ADGRA3: variants seen among roughly 807,000 people sequenced by gnomAD.
The protein encoded by ADGRA3 is G-protein coupled receptor 125.
In ADGRA3, 56 loss-of-function variants were observed where a neutral mutation model predicts 119.8. That is an observed-to-expected ratio of 0.47 (90% CI 0.38 to 0.58). ADGRA3 has a LOEUF of 0.58. Ranked by LOEUF, ADGRA3 falls within the 20% of genes least tolerant of loss-of-function variation. The probability of loss-of-function intolerance (pLI) is 0.00; values close to 1 mark genes in which losing one functional copy is unlikely to be tolerated. For synonymous variants in ADGRA3, 607 were observed against 623.8 expected (o/e 0.97, Z 0.40); for missense variants, 1,516 against 1,649.0 (o/e 0.92, Z 1.40).
chr4:22,440,717 T>C (rs760665880), intron 7 of ADGRA3, among the ~76,000 whole-genome samples: 4 of 152,202 alleles, frequency 2.6e-5, no homozygotes, highest in Admixed American at 6.5e-5. Context: ...CTCTTCTACA[T>C]AGAAAATGGT....
In ADGRA3 at chr4:22,388,987, T is replaced by G. The variant is rs370949757; in HGVS notation, c.2724-40A>C. On this transcript the variant is annotated intron_variant, in intron 18 of 18. Transcript: ENST00000334304. ...GGTAAACCAGATCGATGCTACATGTTTCAACAAATTATCTACGAAATTGCA... is the reference window on the plus strand; with the variant it reads ...GGTAAACCAGATCGATGCTACATGTGTCAACAAATTATCTACGAAATTGCA... 112 of 1,605,262 alleles carry G rather than the reference T, an allele frequency of 7.0e-5. No homozygotes were observed. The African/African-American group carries it at 1.1e-3, about 16-fold the overall frequency.
intron 16 of ADGRA3, among the ~76,000 whole-genome samples, chr4:22,395,941 A>C (rs13148867): frequency 0.038 from 5,721 of 152,244 alleles, 258 homozygotes; most frequent in East Asian, 0.24. Context: ...TAAATAACAG[A>C]TCTCAAGGGC....
intron 3 of ADGRA3, among the ~76,000 whole-genome samples, chr4:22,457,933 T>TA (rs1311998795): frequency 6.6e-6 from 1 of 152,176 alleles, no homozygotes; most frequent in Non-Finnish European, 1.5e-5. Context: ...AGCATAGAGA[T>TA]AAAATCAGCA....
chr4:22,480,167 A>C (rs556732305), intron 1 of ADGRA3, among the ~76,000 whole-genome samples: 2 of 152,364 alleles, frequency 1.3e-5, no homozygotes, highest in East Asian at 3.9e-4. Context: ...CAAACAAAGA[A>C]GAAAGAAAAA....
At position 22,436,414 on chromosome 4, in the gene ADGRA3, A is replaced by T. The variant is rs1467774480; in HGVS notation, c.1287+26T>A. 6 of 1,586,822 alleles carry T rather than the reference A, an allele frequency of 3.8e-6. 1 individual carries two copies. The highest frequency in any genetic ancestry group is 5.2e-6 in the Non-Finnish European group (6 of 1,157,476). On this transcript the variant is annotated intron_variant, in intron 9 of 18. Transcript: ENST00000334304. ...AATACCATGTTTTCTCCACAACCCA[A>T]GTAAACATGAAGACTTTCTAGTTAC...
At chr4:22,484,632 C>G (rs1217123676) in intron 1 of ADGRA3, among the ~76,000 whole-genome samples, 1 of 149,292 alleles carries the variant, frequency 6.7e-6, no homozygotes, top group Non-Finnish European at 1.5e-5. Context: ...GCGTAAGCAG[C>G]TTTGTACTAA....
chr4:22,408,401 G>C (rs1715045244), intron 14 of ADGRA3, among the ~76,000 whole-genome samples: 1 of 152,010 alleles, frequency 6.6e-6, no homozygotes, highest in South Asian at 2.1e-4. Context: ...AAATCCAACA[G>C]GGAGCTCATA....
At chr4:22,501,079 A>C (rs1719033936) in intron 1 of ADGRA3, among the ~76,000 whole-genome samples, 1 of 152,152 alleles carries the variant, frequency 6.6e-6, no homozygotes, top group Admixed American at 6.5e-5. Flanking sequence ...ACTGAAACAC[A>C]TCACCAGCTG....
intron 14 of ADGRA3, among the ~76,000 whole-genome samples, chr4:22,410,204 T>A (rs1007466869): frequency 6.6e-6 from 1 of 152,208 alleles, no homozygotes; most frequent in Admixed American, 6.5e-5. Context: ...AATCAATGTA[T>A]ATAAATTAGC....
chr4:22,407,764 G>C (rs1471288561), intron 14 of ADGRA3, among the ~76,000 whole-genome samples: 1 of 152,162 alleles, frequency 6.6e-6, no homozygotes, highest in Non-Finnish European at 1.5e-5. Context: ...AAAGTTTTTA[G>C]AACTGTTTAC....
chr4:22,506,781 CTT>C (rs1310078768), intron 1 of ADGRA3, among the ~76,000 whole-genome samples: 7 of 151,954 alleles, frequency 4.6e-5, no homozygotes, highest in African/African-American at 1.7e-4. Context: ...GAATAGTGTA[CTT>C]TTGTAAAGCT....
rs1478867154 is a variant in ADGRA3, at chr4:22,499,613, C to T, written c.257+15915G>A. ...CCTCCCAAAAATGCATCTACTCCCC[C>T]TATGATGTTCTTATTCATCTTAACA... On this transcript the variant is annotated intron_variant, in intron 1 of 18. Transcript: ENST00000334304. Among the ~76,000 whole-genome samples, 3 of 152,172 alleles carry T rather than the reference C, an allele frequency of 2.0e-5. No homozygotes were observed. In the East Asian group the frequency reaches 5.8e-4, roughly 29 times the overall value.
intron 16 of ADGRA3, chr4:22,397,993 G>T: frequency 7.8e-6 from 6 of 768,894 alleles, no homozygotes; most frequent in Non-Finnish European, 9.5e-6. Context: ...AGTGAGACCT[G>T]CAAGGTAAGT....
intron 16 of ADGRA3, 124 bp downstream of exon 16, chr4:22,401,307 A>G: frequency 6.0e-6 from 5 of 831,796 alleles, no homozygotes; most frequent in Non-Finnish European, 8.9e-6. Flanking sequence ...AGTGACAGAC[A>G]ATAAATTTAA....
intron 3 of ADGRA3, among the ~76,000 whole-genome samples, chr4:22,460,839 G>A (rs1255447253): frequency 6.6e-6 from 1 of 152,152 alleles, no homozygotes; most frequent in East Asian, 1.9e-4. Flanking sequence ...AAGATCTTCC[G>A]AAGAAGTCAG....
chr4:22,509,618 C>G (rs1719369861), intron 1 of ADGRA3, among the ~76,000 whole-genome samples: 1 of 152,166 alleles, frequency 6.6e-6, no homozygotes, highest in Non-Finnish European at 1.5e-5. Flanking sequence ...ACTGTTTCGT[C>G]TCCACCTGGC....
chr4:22,443,275 T>C (rs1038268626), intron 6 of ADGRA3: 5 of 482,226 alleles, frequency 1.0e-5, no homozygotes, highest in African/African-American at 6.1e-5. Context: ...CTAATGCATG[T>C]TCACTCCAGA....
intron 1 of ADGRA3, among the ~76,000 whole-genome samples, chr4:22,505,167 G>T (rs573864074): frequency 6.6e-6 from 1 of 152,112 alleles, no homozygotes; most frequent in Admixed American, 6.5e-5. Flanking sequence ...CATAAATAAT[G>T]CAGATGACTG....
intron 1 of ADGRA3, among the ~76,000 whole-genome samples, chr4:22,483,788 T>C (rs77884364): frequency 0.027 from 4,156 of 152,248 alleles, 71 homozygotes; most frequent in Middle Eastern, 0.065. Flanking sequence ...AGTTGTGTAA[T>C]AGAAGATTGC....
Sources: gnomAD v4.1 joint callset for allele counts (sites outside exome capture counted in the v4.1 genomes callset) on GRCh38, gnomAD v4.1.1 for gene constraint, MANE v1.5 for transcripts, NCBI Gene and HGNC (gene_info 2026-07-23, HGNC 2026-07-21) for gene names.